The following FRY variants were observed in gnomAD, a reference collection of about 807,000 sequenced individuals.
FRY encodes FRY microtubule binding protein, also known as protein furry homolog.
Under a neutral mutation model 348.4 loss-of-function variants are expected in FRY, and 128 were observed. The observed-to-expected ratio is 0.37, with a 90% CI of 0.32 to 0.43. FRY has a LOEUF of 0.43. Among genes scored for constraint, FRY ranks in the 20% least tolerant of loss-of-function variants. The probability of loss-of-function intolerance (pLI) is 1.00; values close to 1 mark genes in which losing one functional copy is unlikely to be tolerated. For synonymous variants in FRY, 1,370 were observed against 1,374.7 expected (o/e 1.00, Z 0.08); for missense variants, 2,736 against 3,695.2 (o/e 0.74, Z 6.73).
intron 14 of FRY, among the ~76,000 whole-genome samples, chr13:32,152,880 T>C (rs186162644): frequency 6.6e-6 from 1 of 152,292 alleles, no homozygotes; most frequent in East Asian, 1.9e-4. Flanking sequence ...GACTTCCATC[T>C]GAATATATAG....
At position 32,078,890 on chromosome 13, in the gene FRY, C is replaced by A; in HGVS notation, c.127C>A (p.His43Asn). ...KPPVPPASGT[H>N]REKGPPTMLP... Reference sequence around the variant, plus strand: ...TCCGGTTCCACCTGCTTCTGGCACGCACAGGGAGAAAGGGCCGCCAACCAT... The same window carrying A: ...TCCGGTTCCACCTGCTTCTGGCACGAACAGGGAGAAAGGGCCGCCAACCAT... Residue 43 changes from histidine (H) to asparagine (N), a missense_variant, in exon 2 of 61, where the codon CAC becomes AAC. Physicochemically the swap from His to Asn is moderately conservative, Grantham distance 68. This residue lies in a region of FRY where 309 missense variants were observed against 418.1 expected (regional missense o/e 0.74). Transcript: ENST00000542859. 6.2e-7 allele frequency: 1 copy of A among 1,614,066 alleles called. No individual in the cohort carries two copies. The highest frequency in any genetic ancestry group is 8.5e-7 in the Non-Finnish European group (1 of 1,179,966).
chr13:32,233,410 G>A (rs1481650722), intron 41 of FRY, among the ~76,000 whole-genome samples: 2 of 152,178 alleles, frequency 1.3e-5, no homozygotes, highest in Admixed American at 1.3e-4. Context: ...ATAATTTAAT[G>A]ACCTAGAATT....
At chr13:32,265,799 G>A (rs915367416) in intron 54 of FRY, among the ~76,000 whole-genome samples, 183 bp downstream of exon 54, 7 of 152,268 alleles carry the variant, frequency 4.6e-5, no homozygotes, top group African/African-American at 1.2e-4. Flanking sequence ...ATAGGGCCTC[G>A]TGTGGAACAA....
chr13:32,079,748 C>A (rs967492668), intron 2 of FRY, among the ~76,000 whole-genome samples: 7 of 152,044 alleles, frequency 4.6e-5, no homozygotes, highest in African/African-American at 1.7e-4. Context: ...GAAGGAAGCG[C>A]AATTGGTAGA....
chr13:32,052,455 A>C (rs755223279), intron 1 of FRY, among the ~76,000 whole-genome samples: 10 of 152,236 alleles, frequency 6.6e-5, no homozygotes, highest in Admixed American at 2.6e-4. Flanking sequence ...TGTAATTCTA[A>C]GTTTTGTAAT....
intron 11 of FRY, among the ~76,000 whole-genome samples, chr13:32,140,634 C>A (rs1880004177): frequency 6.6e-6 from 1 of 151,736 alleles, no homozygotes; most frequent in South Asian, 2.1e-4. Context: ...CTAAAGAAAA[C>A]CTAATAGATA....
intron 10 of FRY, among the ~76,000 whole-genome samples, chr13:32,135,964 T>G (rs1879689085): frequency 6.6e-6 from 1 of 152,168 alleles, no homozygotes; most frequent in Non-Finnish European, 1.5e-5. Context: ...TGCATATTTT[T>G]TAGATTACTG....
intron 11 of FRY, among the ~76,000 whole-genome samples, chr13:32,146,798 C>G (rs923068476): frequency 1.3e-5 from 2 of 152,190 alleles, no homozygotes; most frequent in Non-Finnish European, 2.9e-5. Flanking sequence ...TATCTTTTAT[C>G]TCTGCATCTC....
intron 42 of FRY, among the ~76,000 whole-genome samples, chr13:32,235,704 G>A (rs1429382412): frequency 2.6e-5 from 4 of 152,154 alleles, no homozygotes; most frequent in African/African-American, 9.7e-5. Flanking sequence ...AGCCATCAGA[G>A]GTGCTGTTTA....
chr13:32,086,761 A>C (rs1376613752), intron 2 of FRY, among the ~76,000 whole-genome samples: 1 of 152,194 alleles, frequency 6.6e-6, no homozygotes, highest in African/African-American at 2.4e-5. Flanking sequence ...AAAAAATCTA[A>C]CTTTAATCTT....
At chr13:32,119,893 TA>T (rs1187281606) in intron 4 of FRY, among the ~76,000 whole-genome samples, 2 of 152,224 alleles carry the variant, frequency 1.3e-5, no homozygotes, top group Non-Finnish European at 2.9e-5. Flanking sequence ...CCTTGAAAGA[TA>T]AACATGCAAG....
At chr13:32,185,216 G>A in intron 26 of FRY, 68 bp downstream of exon 26, 1 of 1,420,126 alleles carries the variant, frequency 7.0e-7, no homozygotes, top group South Asian at 1.1e-5. Context: ...TTATTACGGT[G>A]CTTTCGTCTT....
chr13:32,038,381 T>C (rs1306216077), intron 1 of FRY: 3 of 152,226 alleles, frequency 2.0e-5, no homozygotes, highest in African/African-American at 4.8e-5. Context: ...CCCTAGAATT[T>C]CTCTTAGTCC....
At chr13:32,139,842 TACA>T (rs1879950672) in intron 11 of FRY, among the ~76,000 whole-genome samples, 1 of 152,184 alleles carries the variant, frequency 6.6e-6, no homozygotes, top group Admixed American at 6.5e-5. Flanking sequence ...ACATCTGCCA[TACA>T]ACACCTAATT....
intron 36 of FRY, among the ~76,000 whole-genome samples, chr13:32,223,023 G>A (rs938265417): frequency 1.1e-4 from 17 of 151,836 alleles, no homozygotes; most frequent in Non-Finnish European, 2.5e-4. Context: ...GCATGATCTC[G>A]GCTCACTGCA....
At chr13:32,165,979 G>A (rs1881712007) in intron 17 of FRY, among the ~76,000 whole-genome samples, 1 of 152,206 alleles carries the variant, frequency 6.6e-6, no homozygotes, top group Admixed American at 6.5e-5. Flanking sequence ...ACCGCAGACA[G>A]GGCCCAGGAC....
At chr13:32,205,601 G>A (rs1015183865) in intron 31 of FRY, among the ~76,000 whole-genome samples, 7 of 152,124 alleles carry the variant, frequency 4.6e-5, no homozygotes, top group Admixed American at 1.3e-4. Flanking sequence ...GGAAGGCCTT[G>A]TGTACACTAC....
At chr13:32,163,606 C>T (rs564065063) in intron 17 of FRY, among the ~76,000 whole-genome samples, 2 of 152,242 alleles carry the variant, frequency 1.3e-5, no homozygotes, top group East Asian at 3.9e-4. Flanking sequence ...TACACTGAGG[C>T]CTTTGAAGTA....
chr13:32,211,317 G>A (rs1029253144), intron 34 of FRY, among the ~76,000 whole-genome samples: 1 of 152,178 alleles, frequency 6.6e-6, no homozygotes, highest in African/African-American at 2.4e-5. Context: ...AACTTAGCCG[G>A]ATGTGGTGGC....
Sources: gnomAD v4.1 joint callset for allele counts (sites outside exome capture counted in the v4.1 genomes callset) on GRCh38, gnomAD v4.1.1 for gene constraint, gnomAD v4.1.1 regional missense constraint, MANE v1.5 for transcripts, NCBI Gene and HGNC (gene_info 2026-07-23, HGNC 2026-07-21) for gene names.